FRY: variants seen among roughly 807,000 people sequenced by gnomAD.
FRY encodes the protein protein furry homolog.
FRY carries 128 observed loss-of-function variants against 348.4 expected under a neutral mutation model. The observed-to-expected ratio is 0.37, with a 90% CI of 0.32 to 0.43. FRY has a LOEUF of 0.43. Among genes scored for constraint, FRY ranks in the 20% least tolerant of loss-of-function variants. FRY has a pLI of 1.00. For missense variants in FRY, 2,736 were observed against 3,695.2 expected, an observed-to-expected ratio of 0.74 and a Z score of 6.73; for synonymous variants, 1,370 against 1,374.7, an observed-to-expected ratio of 1.00 and a Z score of 0.08.
At chr13:32,192,189 G>A (rs1164242269) in intron 28 of FRY, among the ~76,000 whole-genome samples, 1 of 152,152 alleles carries the variant, frequency 6.6e-6, no homozygotes, top group East Asian at 1.9e-4. Context: ...TACTATTTCT[G>A]TGTATTTTAT....
chr13:32,193,364 A>C (rs1883467982), intron 28 of FRY, among the ~76,000 whole-genome samples: 1 of 151,780 alleles, frequency 6.6e-6, no homozygotes, highest in Admixed American at 6.6e-5. Flanking sequence ...TTGATACACA[A>C]GTATACTTCA....
In FRY at chr13:32,225,868, C is replaced by T. The variant is rs770355589; in HGVS notation, c.5100C>T (p.Asn1700=). 1 of 1,613,604 alleles carries T rather than the reference C, an allele frequency of 6.2e-7. No homozygotes were observed. The highest frequency in any genetic ancestry group is 1.3e-5 in the African/African-American group (1 of 74,908). The part of the protein sequence containing the change: ...LLHLLIALSC[N]SNFHSIASVL... ...ACCTCTTGATTGCCCTCTCTTGCAACAGCAATTTCCATTCCATTGCTTCCG... is the reference window on the plus strand; with the variant it reads ...ACCTCTTGATTGCCCTCTCTTGCAATAGCAATTTCCATTCCATTGCTTCCG... Residue 1700 remains asparagine, a synonymous_variant, in exon 39 of 61, where the codon AAC becomes AAT. Transcript: ENST00000542859.
intron 11 of FRY, among the ~76,000 whole-genome samples, chr13:32,142,143 A>G (rs74044437): frequency 1.3e-5 from 2 of 152,134 alleles, no homozygotes; most frequent in African/African-American, 4.8e-5. Flanking sequence ...CAAAGACAGA[A>G]GAAGAAGAAG....
intron 7 of FRY, among the ~76,000 whole-genome samples, chr13:32,126,945 A>T (rs1320605562): frequency 6.6e-6 from 1 of 152,132 alleles, no homozygotes; most frequent in East Asian, 1.9e-4. Context: ...CCTGATTATG[A>T]CTTTAGCTAT....
At chr13:32,119,562 A>G (rs982815572) in intron 4 of FRY, among the ~76,000 whole-genome samples, 4 of 152,160 alleles carry the variant, frequency 2.6e-5, no homozygotes, top group Admixed American at 2.0e-4. Context: ...GGCCACTTGT[A>G]AAGACCCTTA....
intron 1 of FRY, among the ~76,000 whole-genome samples, chr13:32,053,942 A>T (rs1873483324): frequency 6.6e-6 from 1 of 152,094 alleles, no homozygotes. Flanking sequence ...ATGAGCTGAG[A>T]TCACACCGCT....
At chr13:32,083,743 A>G (rs1875656044) in intron 2 of FRY, among the ~76,000 whole-genome samples, 1 of 152,112 alleles carries the variant, frequency 6.6e-6, no homozygotes, top group African/African-American at 2.4e-5. Context: ...GTTATTTTAC[A>G]TAGAACTCAA....
At position 32,294,375 on chromosome 13, in the gene FRY, A is replaced by G; in HGVS notation, c.8588A>G (p.Asn2863Ser). 1.2e-6 allele frequency: 2 copies of G among 1,611,720 alleles called. No individual in the cohort carries two copies. Among genetic ancestry groups the G allele is most frequent in the Non-Finnish European group, 1.7e-6 (2 of 1,177,812 alleles). The change falls in exon 60 of 61, where the codon AAT (asparagine) becomes AGT (serine). Residue 2863 changes from asparagine to serine, a missense_variant. This residue lies in a region of FRY where 157 missense variants were observed against 215.2 expected (regional missense o/e 0.73). Coordinates refer to ENST00000542859, the MANE Select transcript of FRY (RefSeq NM_023037.3). ...HEVSSMPELL[N>S]MSRELSDLKK... ...ACATTTTTTTTTAAATAGCTGCTGA[A>G]TATGTCCAGGGAACTGAGTGACCTA...
chr13:32,036,109 G>A (rs1043867297), intron 1 of FRY, among the ~76,000 whole-genome samples: 4 of 152,170 alleles, frequency 2.6e-5, no homozygotes, highest in African/African-American at 4.8e-5. Context: ...GTACCTGAAG[G>A]ACACTATGAG....
chr13:32,062,768 A>G (rs1874020586), intron 1 of FRY, among the ~76,000 whole-genome samples: 1 of 152,166 alleles, frequency 6.6e-6, no homozygotes, highest in African/African-American at 2.4e-5. Flanking sequence ...ATCATTGAAT[A>G]AATGTTTATT....
In FRY at chr13:32,140,589, A is replaced by C. The variant is rs539156887; in HGVS notation, c.1179+3617A>C. ...GACCAACAAGCAAATAAATAAATACATGAGAAGAAAAAAAAACAGATAATG... is the reference window on the plus strand; with the variant it reads ...GACCAACAAGCAAATAAATAAATACCTGAGAAGAAAAAAAAACAGATAATG... On this transcript the variant is annotated intron_variant, in intron 11 of 60. Coordinates refer to ENST00000542859, the MANE Select transcript of FRY (RefSeq NM_023037.3). 2.6e-5 allele frequency among the ~76,000 whole-genome samples: 4 copies of C among 152,102 alleles called. No individual in the cohort carries two copies. The East Asian group carries it at 7.7e-4, about 29-fold the overall frequency.
At chr13:32,210,385 G>A (rs145214269) in intron 33 of FRY, among the ~76,000 whole-genome samples, 166 of 152,258 alleles carry the variant, frequency 1.1e-3, no homozygotes, top group African/African-American at 3.8e-3. Context: ...TGGACTATGA[G>A]GCCTGCAATA....
chr13:32,062,467 T>C (rs1874001476), intron 1 of FRY, among the ~76,000 whole-genome samples: 1 of 152,138 alleles, frequency 6.6e-6, no homozygotes, highest in East Asian at 1.9e-4. Flanking sequence ...TAGTAAAGTT[T>C]TAGGTATTAA....
chr13:32,162,470 G>T (rs1157359013), intron 17 of FRY, among the ~76,000 whole-genome samples: 10 of 151,990 alleles, frequency 6.6e-5, no homozygotes, highest in Admixed American at 2.0e-4. Flanking sequence ...TGTGGTCATG[G>T]TCCTCTCTTA....
At chr13:32,184,232 TGAATAAGAAC>T (rs1381573957) in intron 24 of FRY, among the ~76,000 whole-genome samples, 1 of 152,112 alleles carries the variant, frequency 6.6e-6, no homozygotes, top group African/African-American at 2.4e-5. Context: ...TTCAGCAGTG[TGAATAAGAAC>T]AAACAGTGTT....
chr13:32,295,905 T>G lies in FRY; in HGVS notation c.*445T>G, dbSNP rs966523758. On this transcript the variant is annotated 3_prime_UTR_variant, in exon 61 of 61. Transcript: ENST00000542859. Reference sequence around the variant, plus strand: ...GTTCCATTTTCTTTTCTTTTTTCTTTTTTCTTTTTCCTTTCTTTCGTGGGC... The same window carrying G: ...GTTCCATTTTCTTTTCTTTTTTCTTGTTTCTTTTTCCTTTCTTTCGTGGGC... The G allele has an allele frequency of 1.2e-5, 2 of 172,604 alleles. No homozygotes were observed. Among genetic ancestry groups the G allele is most frequent in the African/African-American group, 4.8e-5 (2 of 41,836 alleles). The allele number at this position is 172,604 out of a possible 1,614,324, so 10.7% of individuals were successfully genotyped here.
chr13:32,293,615 A>G (rs1358432632), intron 59 of FRY, among the ~76,000 whole-genome samples: 2 of 152,220 alleles, frequency 1.3e-5, no homozygotes, highest in African/African-American at 4.8e-5. Context: ...CTTCCGTAGT[A>G]TATTTTGAGA....
rs186572120 is a variant in FRY, at chr13:32,165,077, G to A, written c.1892+3826G>A. On this transcript the variant is annotated intron_variant, in intron 17 of 60. Coordinates refer to ENST00000542859, the MANE Select transcript of FRY (RefSeq NM_023037.3). ...ATTATGTTAGGTAAGCTGGGCACAT[G>A]TTCATTCTTATTTTTAGATAAGGAC... Among the ~76,000 whole-genome samples the A allele has an allele frequency of 5.7e-3, 863 of 150,438 alleles. 11 individuals are homozygous for A. Among genetic ancestry groups the A allele is most frequent in the African/African-American group, 0.02 (817 of 40,674 alleles).
intron 42 of FRY, among the ~76,000 whole-genome samples, chr13:32,235,705 G>A (rs1886192843): frequency 6.6e-6 from 1 of 152,154 alleles, no homozygotes; most frequent in Non-Finnish European, 1.5e-5. Context: ...GCCATCAGAG[G>A]TGCTGTTTAA....
Sources: gnomAD v4.1 joint callset for allele counts (sites outside exome capture counted in the v4.1 genomes callset) on GRCh38, gnomAD v4.1.1 for gene constraint, gnomAD v4.1.1 regional missense constraint, MANE v1.5 for transcripts, NCBI Gene and HGNC (gene_info 2026-07-23, HGNC 2026-07-21) for gene names.